The following VWA5B1 variants were observed in gnomAD, a reference collection of about 807,000 sequenced individuals.
VWA5B1 encodes von Willebrand factor A domain containing 5B1, also known as von Willebrand factor A domain-containing protein 5B1.
In VWA5B1, 115 loss-of-function variants were observed where a neutral mutation model predicts 118.2. The ratio of observed to expected loss-of-function variants is 0.97; its 90% CI spans 0.84 to 1.14. VWA5B1 has a LOEUF of 1.14. Among genes scored for constraint, VWA5B1 ranks in the 50% most tolerant of loss-of-function variants. The probability of loss-of-function intolerance (pLI) is 0.00; values close to 1 mark genes in which losing one functional copy is unlikely to be tolerated. For missense variants in VWA5B1, 1,596 were observed against 1,603.8 expected (o/e 1.00, Z 0.08); for synonymous variants, 682 against 658.4 (o/e 1.04, Z -0.55).
At position 20,355,130 on chromosome 1, in the gene VWA5B1, G is replaced by A. The variant is rs1379073824; in HGVS notation, c.*867G>A. Among the ~76,000 whole-genome samples the A allele has an allele frequency of 1.3e-5, 2 of 152,298 alleles. No homozygotes were observed. Among genetic ancestry groups the A allele is most frequent in the South Asian group, 2.1e-4 (1 of 4,818 alleles). The stretch of plus-strand genomic sequence containing the variant: ...CCCACTTTTAGGAATTGGGTAAAGC[G>A]AACTGCATCACTTGTACTGAGGCAC... On this transcript the variant is annotated 3_prime_UTR_variant, in exon 22 of 22. Coordinates refer to ENST00000289815, the MANE Select transcript of VWA5B1 (RefSeq NM_001039500.3).
At chr1:20,294,842 G>A (rs781473714) in intron 1 of VWA5B1, among the ~76,000 whole-genome samples, 60 of 152,354 alleles carry the variant, frequency 3.9e-4, no homozygotes, top group Non-Finnish European at 7.3e-4. Context: ...GCCCGCCTCA[G>A]CCTCCCAAAA....
rs946891331 is a variant in VWA5B1, at chr1:20,319,498, G to C, written c.958G>C (p.Glu320Gln). Residue 320 changes from glutamate to glutamine, a missense_variant, in exon 7 of 22, where the codon GAG becomes CAG. Physicochemically the swap from Glu to Gln is conservative, Grantham distance 29. Coordinates refer to ENST00000289815, the MANE Select transcript of VWA5B1 (RefSeq NM_001039500.3). The part of the protein sequence containing the change: ...IKGMKKKSRA[E>Q]RKTEIIRKRL... Reference sequence around the variant, plus strand: ...AGGGATGAAGAAGAAGAGCAGAGCAGAGCGGAAGGTGAGGGCAACTGAGGT... The same window carrying C: ...AGGGATGAAGAAGAAGAGCAGAGCACAGCGGAAGGTGAGGGCAACTGAGGT... 1 of 1,551,606 alleles carries C rather than the reference G, an allele frequency of 6.4e-7. No individual in the cohort carries two copies. The highest frequency in any genetic ancestry group is 1.4e-5 in the African/African-American group (1 of 73,064).
intron 1 of VWA5B1, among the ~76,000 whole-genome samples, chr1:20,296,768 T>C (rs951506491): frequency 9.9e-5 from 15 of 152,262 alleles, no homozygotes; most frequent in African/African-American, 3.6e-4. Flanking sequence ...AAATCTTTTC[T>C]TCATTCACCC....
intron 1 of VWA5B1, chr1:20,294,372 G>A (rs977811048): frequency 6.6e-6 from 1 of 152,332 alleles, no homozygotes; most frequent in African/African-American, 2.4e-5. Context: ...AGAAGGAACA[G>A]TTAGACATGG....
chr1:20,316,940 G>A lies in VWA5B1; in HGVS notation c.564-590G>A, dbSNP rs139720042. Among the ~76,000 whole-genome samples, 620 of 152,088 alleles carry A rather than the reference G, an allele frequency of 4.1e-3. 3 individuals are homozygous for A. Among genetic ancestry groups the A allele is most frequent in the African/African-American group, 0.013 (532 of 41,468 alleles). ...ATGGAGGCCGAGACGGGCGGATCAC[G>A]AGGTCAGGAGATTGAGACCATCCTG... On this transcript the variant is annotated intron_variant, in intron 4 of 21. Transcript: ENST00000289815.
intron 1 of VWA5B1, among the ~76,000 whole-genome samples, chr1:20,301,428 A>G (rs2088501739): frequency 6.6e-6 from 1 of 152,246 alleles, no homozygotes; most frequent in Non-Finnish European, 1.5e-5. Flanking sequence ...TGAATTTCAA[A>G]GAAGCATCCA....
intron 12 of VWA5B1, among the ~76,000 whole-genome samples, chr1:20,335,920 C>T (rs997989118): frequency 4.6e-5 from 7 of 152,036 alleles, no homozygotes; most frequent in Non-Finnish European, 7.4e-5. Context: ...AATGGACCCA[C>T]GCAGTTAAAG....
At chr1:20,291,359 T>TCTCTCCCTC (rs2088297636) in intron 1 of VWA5B1, among the ~76,000 whole-genome samples, 45 of 103,408 alleles carry the variant, frequency 4.4e-4, no homozygotes, top group African/African-American at 1.6e-3. Flanking sequence ...CTTTCTTTCT[T>TCTCTCCCTC]TCTCTCTCTC....
intron 1 of VWA5B1, among the ~76,000 whole-genome samples, chr1:20,295,033 A>T (rs1271877595): frequency 6.6e-6 from 1 of 152,204 alleles, no homozygotes; most frequent in Admixed American, 6.5e-5. Context: ...TTACAGCAGG[A>T]TTTAGCTGAG....
At chr1:20,337,944 C>A in intron 14 of VWA5B1, 108 bp downstream of exon 14, 5 of 1,351,930 alleles carry the variant, frequency 3.7e-6, no homozygotes, top group African/African-American at 1.4e-5. Flanking sequence ...CTTACACTGC[C>A]AAGTGAGTCA....
chr1:20,292,424 GC>G (rs2088329361), intron 1 of VWA5B1, among the ~76,000 whole-genome samples: 1 of 152,210 alleles, frequency 6.6e-6, no homozygotes. Flanking sequence ...GCATGTGTGT[GC>G]GTGTGATGCA....
intron 14 of VWA5B1, chr1:20,339,106 T>G (rs1002599177): frequency 3.9e-5 from 6 of 152,190 alleles, no homozygotes; most frequent in Admixed American, 2.6e-4. Flanking sequence ...CTCTGCTCGC[T>G]AGAGGCCTCC....
chr1:20,301,023 G>T (rs1458597635), intron 1 of VWA5B1, among the ~76,000 whole-genome samples: 6 of 152,252 alleles, frequency 3.9e-5, no homozygotes, highest in African/African-American at 1.4e-4. Flanking sequence ...CCTCTCTGTG[G>T]AGGGGGCGCA....
At chr1:20,293,249 A>G (rs886506477) in intron 1 of VWA5B1, among the ~76,000 whole-genome samples, 1 of 151,518 alleles carries the variant, frequency 6.6e-6, no homozygotes, top group Non-Finnish European at 1.5e-5. Context: ...TGTCTCACTC[A>G]TTGCGGCTTT....
At position 20,337,675 on chromosome 1, in the gene VWA5B1, T is replaced by C. The variant is rs1255225032; in HGVS notation, c.1972T>C (p.Tyr658His). ...GAACCTCTCTCAGCGACGGAGGGCA[T>C]ACAGCACCAACCAGATCACCAATCA... ...DLNLSQRRRA[Y>H]STNQITNHKP... Residue 658 changes from tyrosine (Y) to histidine (H), a missense_variant, in exon 14 of 22, where the codon TAC becomes CAC. Transcript: ENST00000289815. 1.9e-6 allele frequency: 3 copies of C among 1,551,490 alleles called. No homozygotes were observed. Among genetic ancestry groups the C allele is most frequent in the Non-Finnish European group, 2.6e-6 (3 of 1,146,986 alleles).
chr1:20,299,843 AC>A (rs1276964583), intron 1 of VWA5B1, among the ~76,000 whole-genome samples: 3 of 151,418 alleles, frequency 2.0e-5, no homozygotes, highest in East Asian at 3.9e-4. Flanking sequence ...CCCCACTCCT[AC>A]CCCCGCCTCC....
chr1:20,336,071 AGTC>A (rs1247646369), intron 12 of VWA5B1, among the ~76,000 whole-genome samples: 2 of 152,194 alleles, frequency 1.3e-5, no homozygotes, highest in African/African-American at 2.4e-5. Context: ...AATTTAATGA[AGTC>A]AATAATTAAA....
chr1:20,298,454 G>T (rs1462849710), intron 1 of VWA5B1, among the ~76,000 whole-genome samples: 1 of 152,004 alleles, frequency 6.6e-6, no homozygotes, highest in Non-Finnish European at 1.5e-5. Context: ...AGCCTATCAG[G>T]AAGTCTGGCC....
chr1:20,326,447 A>G (rs553659849), intron 8 of VWA5B1, among the ~76,000 whole-genome samples: 2 of 152,082 alleles, frequency 1.3e-5, no homozygotes, highest in Non-Finnish European at 2.9e-5. Flanking sequence ...TAAAAATCTC[A>G]GAACTGTGGG....
Sources: allele counts gnomAD v4.1 joint callset (sites outside exome capture counted in the v4.1 genomes callset), GRCh38; gene constraint gnomAD v4.1.1; transcripts MANE v1.5; gene names NCBI Gene and HGNC (gene_info 2026-07-23, HGNC 2026-07-21).